Variants in KCNAB1 observed in about 807,000 individuals in gnomAD.
KCNAB1 encodes the protein voltage-gated potassium channel subunit beta-1.
A neutral mutation model predicts 64.6 loss-of-function variants in KCNAB1; 35 were observed. That is an observed-to-expected ratio of 0.54 (90% CI 0.41 to 0.72). KCNAB1 has a LOEUF of 0.72. Ranked by LOEUF, KCNAB1 falls within the 30% of genes least tolerant of loss-of-function variation. The pLI is 0.00. For synonymous variants in KCNAB1, 177 were observed against 183.8 expected (o/e 0.96, Z 0.30); for missense variants, 401 against 512.9 (o/e 0.78, Z 2.11).
intron 1 of KCNAB1, among the ~76,000 whole-genome samples, chr3:156,279,509 A>C (rs1397762663): frequency 1.6e-4 from 24 of 152,106 alleles, no homozygotes; most frequent in African/African-American, 5.6e-4. Flanking sequence ...GTCAAATGGT[A>C]TTTCCAGTTC....
intron 13 of KCNAB1, among the ~76,000 whole-genome samples, chr3:156,533,062 A>T (rs1227814333): frequency 6.6e-6 from 1 of 152,226 alleles, no homozygotes; most frequent in Non-Finnish European, 1.5e-5. Context: ...TATACCAGGT[A>T]CTGGAGATAA....
chr3:156,166,938 T>C (rs1711607541), intron 1 of KCNAB1, among the ~76,000 whole-genome samples: 1 of 152,178 alleles, frequency 6.6e-6, no homozygotes, highest in Admixed American at 6.5e-5. Flanking sequence ...GGCAGGACAT[T>C]GGAAGTCATC....
intron 3 of KCNAB1, 76 bp from the exon 4 acceptor site, chr3:156,457,377 C>T (rs1343026898): frequency 3.7e-6 from 6 of 1,604,158 alleles, no homozygotes; most frequent in African/African-American, 2.7e-5. Context: ...TCCTAAAGAC[C>T]GGTAGAGGAC....
chr3:156,208,956 G>T (rs565987353), intron 1 of KCNAB1, among the ~76,000 whole-genome samples: 3 of 152,178 alleles, frequency 2.0e-5, no homozygotes, highest in African/African-American at 7.2e-5. Context: ...AATGCATAAC[G>T]TAAGAAATGC....
chr3:156,208,627 G>A (rs1714807976), intron 1 of KCNAB1, among the ~76,000 whole-genome samples: 1 of 152,108 alleles, frequency 6.6e-6, no homozygotes, highest in East Asian at 1.9e-4. Flanking sequence ...TTAACAAGGA[G>A]GGAAAAAAAT....
At chr3:156,201,352 C>T (rs1400231354) in intron 1 of KCNAB1, among the ~76,000 whole-genome samples, 1 of 152,164 alleles carries the variant, frequency 6.6e-6, no homozygotes, top group East Asian at 1.9e-4. Flanking sequence ...CAGCAGAAAC[C>T]ACAGAAAGTT....
chr3:156,265,936 GA>G (rs749731273), intron 1 of KCNAB1, among the ~76,000 whole-genome samples: 45 of 152,296 alleles, frequency 3.0e-4, no homozygotes, highest in Non-Finnish European at 4.6e-4. Flanking sequence ...AGGTTGCAGT[GA>G]GTCGAGATTG....
At chr3:156,376,678 T>C (rs1711700789) in intron 1 of KCNAB1, among the ~76,000 whole-genome samples, 1 of 152,130 alleles carries the variant, frequency 6.6e-6, no homozygotes, top group African/African-American at 2.4e-5. Flanking sequence ...TCGGATGACT[T>C]TCAATGAGCT....
intron 1 of KCNAB1, among the ~76,000 whole-genome samples, chr3:156,387,014 C>CTCTCTTT (rs60888308): frequency 2.2e-5 from 2 of 90,522 alleles, no homozygotes; most frequent in African/African-American, 1.1e-4. Flanking sequence ...TTCTCTCTCT[C>CTCTCTTT]TTTTTTTTTT....
chr3:156,472,268 G>A (rs1219450784), intron 7 of KCNAB1, among the ~76,000 whole-genome samples: 1 of 152,178 alleles, frequency 6.6e-6, no homozygotes, highest in Non-Finnish European at 1.5e-5. Context: ...TGTCCCAAAT[G>A]TGTACACCTC....
At chr3:156,437,078 A>T (rs547683423) in intron 2 of KCNAB1, among the ~76,000 whole-genome samples, 20 of 152,166 alleles carry the variant, frequency 1.3e-4, no homozygotes, top group Admixed American at 2.0e-4. Flanking sequence ...TATTTTTTTT[A>T]AAATTGAAGT....
At chr3:156,525,597 C>A (rs182502721) in intron 12 of KCNAB1, among the ~76,000 whole-genome samples, 2 of 152,178 alleles carry the variant, frequency 1.3e-5, no homozygotes, top group African/African-American at 4.8e-5. Flanking sequence ...CTCACTGCAA[C>A]CTCCGTCTCC....
rs373806648 is a variant in KCNAB1 at position 156,351,754 on chromosome 3, A to G, written c.276-69862A>G. Among the ~76,000 whole-genome samples the G allele has an allele frequency of 4.9e-4, 75 of 152,220 alleles. 1 individual carries two copies. The highest frequency in any genetic ancestry group is 1.8e-3 in the African/African-American group (73 of 41,526). On this transcript the variant is annotated intron_variant, in intron 1 of 13. Transcript: ENST00000490337. ...ATTCTTTACTTCTGGATTTACTTTTATTTATTCTAGTAGATGTGTGAAACA... is the reference window on the plus strand; with the variant it reads ...ATTCTTTACTTCTGGATTTACTTTTGTTTATTCTAGTAGATGTGTGAAACA...
intron 1 of KCNAB1, among the ~76,000 whole-genome samples, chr3:156,123,205 G>A (rs559864024): frequency 2.0e-5 from 3 of 152,176 alleles, no homozygotes; most frequent in Admixed American, 6.5e-5. Flanking sequence ...CACCTGTGAA[G>A]CATTACTTAC....
intron 1 of KCNAB1, among the ~76,000 whole-genome samples, chr3:156,330,843 C>G (rs889689742): frequency 3.9e-5 from 6 of 152,190 alleles, no homozygotes; most frequent in Admixed American, 6.5e-5. Context: ...CATGGCTTCT[C>G]AAAGCTTCCA....
At chr3:156,438,875 G>A (rs1272636250) in intron 2 of KCNAB1, among the ~76,000 whole-genome samples, 6 of 152,164 alleles carry the variant, frequency 3.9e-5, no homozygotes, top group Non-Finnish European at 5.9e-5. Flanking sequence ...TTAGCTGGGC[G>A]TGGTGGCGTG....
chr3:156,338,496 G>A (rs976482553), intron 1 of KCNAB1, among the ~76,000 whole-genome samples: 3 of 151,756 alleles, frequency 2.0e-5, no homozygotes, highest in African/African-American at 7.3e-5. Context: ...TTGTTTAGTA[G>A]AGATGGGGTT....
chr3:156,384,271 T>A (rs142427876), intron 1 of KCNAB1, among the ~76,000 whole-genome samples: 119 of 152,348 alleles, frequency 7.8e-4, no homozygotes, highest in African/African-American at 2.7e-3. Flanking sequence ...TTACAAGATA[T>A]TATGAAGTGA....
chr3:156,266,481 T>C (rs1718720077), intron 1 of KCNAB1, among the ~76,000 whole-genome samples: 1 of 152,198 alleles, frequency 6.6e-6, no homozygotes, highest in African/African-American at 2.4e-5. Context: ...CACAGCTGTG[T>C]GATAGATTGA....
Sources: gnomAD v4.1 joint callset for allele counts (sites outside exome capture counted in the v4.1 genomes callset) on GRCh38, gnomAD v4.1.1 for gene constraint, MANE v1.5 for transcripts, NCBI Gene and HGNC (gene_info 2026-07-23, HGNC 2026-07-21) for gene names.